ZNF286A: variants seen among roughly 807,000 people sequenced by gnomAD.
The protein encoded by ZNF286A is zinc finger protein ZNF286.
Under a neutral mutation model 49.3 loss-of-function variants are expected in ZNF286A, and 34 were observed. The ratio of observed to expected loss-of-function variants is 0.69; its 90% confidence interval spans 0.52 to 0.92. ZNF286A has a LOEUF of 0.92. Among genes scored for constraint, ZNF286A ranks in the 40% least tolerant of loss-of-function variants. The pLI is 0.00. For synonymous variants in ZNF286A, 155 were observed against 200.4 expected (o/e 0.77, Z 1.91); for missense variants, 462 against 600.2 (o/e 0.77, Z 2.41).
At chr17:15,702,547 G>C (rs1434298476) in intron 3 of ZNF286A, among the ~76,000 whole-genome samples, 2 of 151,798 alleles carry the variant, frequency 1.3e-5, no homozygotes, top group African/African-American at 4.8e-5. Flanking sequence ...GAGGAAAAAA[G>C]GAGCTTTCCA....
intron 3 of ZNF286A, among the ~76,000 whole-genome samples, chr17:15,702,934 C>G (rs1256170757): frequency 6.6e-6 from 1 of 152,138 alleles, no homozygotes; most frequent in African/African-American, 2.4e-5. Context: ...AAGTTTTTCT[C>G]CTAGTGTTGG....
At chr17:15,709,485 G>A (rs1990484981) in intron 5 of ZNF286A, among the ~76,000 whole-genome samples, 1 of 151,526 alleles carries the variant, frequency 6.6e-6, no homozygotes, top group South Asian at 2.1e-4. Flanking sequence ...GAGGGAGACT[G>A]TGTCTCAAAA....
rs1256942485 is a variant in ZNF286A, at chr17:15,716,970, G to C, written c.1246G>C (p.Gly416Arg). Reference protein sequence around the residue: ...GEKPYECSECGKTFSQSTHLV... With the variant: ...GEKPYECSECRKTFSQSTHLV... Reference sequence around the variant, plus strand: ...AAAGCCATATGAATGCAGTGAATGTGGAAAAACTTTTAGTCAGAGCACACA... The same window carrying C: ...AAAGCCATATGAATGCAGTGAATGTCGAAAAACTTTTAGTCAGAGCACACA... The change falls in exon 6 of 6, where the codon GGA becomes CGA. Residue 416 changes from glycine (G) to arginine (R), a missense_variant. Around this residue, in one of 3 missense-constraint regions of ZNF286A, gnomAD observed 201 missense variants for 311.3 expected, o/e 0.65. Coordinates refer to ENST00000583566, the MANE Select transcript of ZNF286A (RefSeq NM_001130842.2). The C allele has an allele frequency of 1.4e-5, 22 of 1,611,186 alleles. No homozygotes were observed. The highest frequency in any genetic ancestry group is 1.9e-5 in the Non-Finnish European group (22 of 1,178,480).
intron 5 of ZNF286A, among the ~76,000 whole-genome samples, chr17:15,709,101 C>T (rs1414186155): frequency 6.6e-6 from 1 of 152,026 alleles, no homozygotes; most frequent in Non-Finnish European, 1.5e-5. Context: ...CTTGTCAACA[C>T]TTAATATTGC....
chr17:15,708,059 A>G (rs776846437), intron 4 of ZNF286A, 96 bp from the exon 5 acceptor site: 61 of 681,626 alleles, frequency 8.9e-5, no homozygotes, highest in Non-Finnish European at 1.2e-4. Context: ...TCACTAAGGA[A>G]TATGTAACAA....
chr17:15,714,552 A>G (rs1268624120), intron 5 of ZNF286A, among the ~76,000 whole-genome samples: 1 of 152,168 alleles, frequency 6.6e-6, no homozygotes, highest in Non-Finnish European at 1.5e-5. Context: ...TAAGGTAGCT[A>G]TTGCTATCAT....
chr17:15,705,390 T>C (rs1990154053), intron 3 of ZNF286A, among the ~76,000 whole-genome samples: 1 of 152,210 alleles, frequency 6.6e-6, no homozygotes, highest in South Asian at 2.1e-4. Flanking sequence ...CTTTGTTTTT[T>C]GTTCTAACTT....
Position 15,719,860 on chromosome 17 carries a change from A to G in ZNF286A, c.*2570A>G, listed in dbSNP as rs1447247508. 6.6e-6 allele frequency: 1 copy of G among 152,214 alleles called. No individual in the cohort carries two copies. The highest frequency in any genetic ancestry group is 2.4e-5 in the African/African-American group (1 of 41,462). The allele number at this position is 152,214 out of a possible 1,614,324, so 9.4% of individuals were successfully genotyped here. A position where few individuals can be genotyped will look rare whatever the true frequency, so the allele number is the denominator to read the frequency against. ...GTCAGAGAAACTAGGTGGAATGGAA[A>G]AGTACTGAGAGATAATTGGGGACAG... On this transcript the variant is annotated 3_prime_UTR_variant, in exon 6 of 6. Coordinates refer to ENST00000583566, the MANE Select transcript of ZNF286A (RefSeq NM_001130842.2).
chr17:15,708,171 A>AC lies in ZNF286A; in HGVS notation c.260dup (p.Glu88Ter), dbSNP rs1240104038. ...AATGAATAGGGCTTCCAGTTTCCAA[A>AC]CCTGAGAGCTACAACTTGGAGAATG... is the stretch of plus-strand genomic sequence containing the variant. On this transcript the variant is annotated frameshift_variant, in exon 5 of 6. Coordinates refer to ENST00000583566, the MANE Select transcript of ZNF286A (RefSeq NM_001130842.2). LOFTEE classifies it high-confidence loss of function. 6.3e-7 allele frequency: 1 copy of AC among 1,584,776 alleles called. No homozygotes were observed. Among genetic ancestry groups the AC allele is most frequent in the Admixed American group, 1.8e-5 (1 of 55,284 alleles).
intron 5 of ZNF286A, among the ~76,000 whole-genome samples, chr17:15,708,698 G>A (rs748940760): frequency 6.6e-6 from 1 of 152,114 alleles, no homozygotes; most frequent in Non-Finnish European, 1.5e-5. Context: ...TTCTATAAAT[G>A]GAATCATATT....
chr17:15,700,814 G>A (rs1470344287), intron 2 of ZNF286A: 68 of 323,002 alleles, frequency 2.1e-4, no homozygotes, highest in African/African-American at 1.5e-3. Flanking sequence ...TTACTTTGAG[G>A]TGGGGTCCAG....
chr17:15,720,765 G>A lies in ZNF286A; in HGVS notation c.*3475G>A, dbSNP rs372769846. On this transcript the variant is annotated 3_prime_UTR_variant, in exon 6 of 6. Transcript: ENST00000583566. Reference sequence around the variant, plus strand: ...TATTGGCTCACTTGTCAATAAAGATGTTTGTATATGTATTGTCAGAAACTT... The same window carrying A: ...TATTGGCTCACTTGTCAATAAAGATATTTGTATATGTATTGTCAGAAACTT... 2 of 152,130 alleles carry A rather than the reference G, an allele frequency of 1.3e-5. No individual in the cohort carries two copies. The highest frequency in any genetic ancestry group is 1.9e-4 in the East Asian group (1 of 5,188). The allele number at this position is 152,130 out of a possible 1,614,324, so 9.4% of individuals were successfully genotyped here.
At chr17:15,707,688 T>C (rs72819896) in intron 4 of ZNF286A, among the ~76,000 whole-genome samples, 4,221 of 152,330 alleles carry the variant, frequency 0.028, 67 homozygotes, top group South Asian at 0.046. Flanking sequence ...CCAAATCCAA[T>C]TGAACTCCTT....
rs748860040 is a variant in ZNF286A, at chr17:15,716,078, G to C, written c.354G>C (p.Gln118His). Residue 118 changes from glutamine (Q) to histidine (H), a missense_variant, in exon 6 of 6, where the codon CAG becomes CAC. Physicochemically the swap from Gln to His is conservative, Grantham distance 24. Around this residue, in one of 3 missense-constraint regions of ZNF286A, gnomAD observed 259 missense variants for 272.2 expected, o/e 0.95. Transcript: ENST00000583566. ...TTTCAGACATGGAGACTAGACCACAGAGCAAGGATTCAACTTCAGTGCAAG... is the reference window on the plus strand; with the variant it reads ...TTTCAGACATGGAGACTAGACCACACAGCAAGGATTCAACTTCAGTGCAAG... ...SSYSDMETRPQSKDSTSVQDF... is the reference protein window; with the variant it reads ...SSYSDMETRPHSKDSTSVQDF... 3.1e-6 allele frequency: 5 copies of C among 1,613,868 alleles called. 1 individual carries two copies. The South Asian group carries it at 5.5e-5, about 18-fold the overall frequency.
intron 3 of ZNF286A, among the ~76,000 whole-genome samples, chr17:15,705,267 A>G (rs1374953695): frequency 2.0e-5 from 3 of 152,196 alleles, no homozygotes; most frequent in Non-Finnish European, 4.4e-5. Flanking sequence ...CAAAATCAGG[A>G]CATTCACATT....
At chr17:15,710,289 T>A (rs1597722173) in intron 5 of ZNF286A, among the ~76,000 whole-genome samples, 1 of 115,356 alleles carries the variant, frequency 8.7e-6, no homozygotes, top group Non-Finnish European at 1.7e-5. Context: ...AATAACAAAC[T>A]TTTTTTTTAA....
At chr17:15,705,697 A>G (rs1990178364) in intron 3 of ZNF286A, among the ~76,000 whole-genome samples, 1 of 152,196 alleles carries the variant, frequency 6.6e-6, no homozygotes, top group African/African-American at 2.4e-5. Context: ...TAACCTTGAA[A>G]TATTATTCCT....
rs1967038882 is a variant in ZNF286A, at chr17:15,716,169, G to A, written c.445G>A (p.Asp149Asn). 6.2e-7 allele frequency: 1 copy of A among 1,613,748 alleles called. No individual in the cohort carries two copies. The highest frequency in any genetic ancestry group is 8.5e-7 in the Non-Finnish European group (1 of 1,179,836). ...IDRLTRNSVYDSNLEAALECE... is the reference protein window; with the variant it reads ...IDRLTRNSVYNSNLEAALECE... ...CAGACTGACACGGAATAGTGTCTAT[G>A]ACTCTAACTTGGAAGCAGCCCTTGA... Residue 149 changes from aspartate (D) to asparagine (N), a missense_variant, in exon 6 of 6, where the codon GAC (aspartate) becomes AAC (asparagine). Physicochemically the swap from Asp to Asn is conservative, Grantham distance 23. Transcript: ENST00000583566.
At chr17:15,714,985 A>G (rs1018784111) in intron 5 of ZNF286A, among the ~76,000 whole-genome samples, 1 of 151,974 alleles carries the variant, frequency 6.6e-6, no homozygotes, top group African/African-American at 2.4e-5. Flanking sequence ...ATTCTTACAT[A>G]TACTTTATTT....
Sources: gnomAD v4.1 joint callset for allele counts (sites outside exome capture counted in the v4.1 genomes callset) on GRCh38, gnomAD v4.1.1 for gene constraint, gnomAD v4.1.1 regional missense constraint, MANE v1.5 for transcripts, NCBI Gene and HGNC (gene_info 2026-07-23, HGNC 2026-07-21) for gene names.